PDE7B: variants seen among roughly 807,000 people sequenced by gnomAD.
PDE7B encodes 3',5'-cyclic-AMP phosphodiesterase 7B.
PDE7B carries 29 observed loss-of-function variants against 56.2 expected under a neutral mutation model. That is an observed-to-expected ratio of 0.52 (90% CI 0.38 to 0.70). The LOEUF (loss-of-function observed/expected upper bound fraction) is 0.70. PDE7B is among the 30% of genes least tolerant of loss of function. The probability of loss-of-function intolerance (pLI) is 0.00; values close to 1 mark genes in which losing one functional copy is unlikely to be tolerated. For missense variants in PDE7B, 490 were observed against 565.0 expected, an observed-to-expected ratio of 0.87 and a Z score of 1.35; for synonymous variants, 197 against 196.9, an observed-to-expected ratio of 1.00 and a Z score of 0.00.
intron 2 of PDE7B, among the ~76,000 whole-genome samples, chr6:135,997,633 T>C (rs1775590338): frequency 6.6e-6 from 1 of 152,040 alleles, no homozygotes; most frequent in African/African-American, 2.4e-5. Flanking sequence ...TCTACATGCC[T>C]ATGAATAGAA....
chr6:136,000,739 C>T (rs976465283), intron 2 of PDE7B, among the ~76,000 whole-genome samples: 9 of 152,190 alleles, frequency 5.9e-5, no homozygotes, highest in African/African-American at 1.9e-4. Flanking sequence ...GGAGGCCTGC[C>T]TGCCTCTGTA....
intron 2 of PDE7B, among the ~76,000 whole-genome samples, chr6:136,030,837 CCTAACTAAATTG>C (rs1776235748): frequency 6.6e-6 from 1 of 152,106 alleles, no homozygotes; most frequent in African/African-American, 2.4e-5. Context: ...GAGAAACTGG[CCTAACTAAATTG>C]CATTTGACAT....
intron 1 of PDE7B, among the ~76,000 whole-genome samples, chr6:135,854,889 A>G (rs2128183270): frequency 6.6e-6 from 1 of 152,368 alleles, no homozygotes. Context: ...TAGAAATTTC[A>G]GTACAGAGAG....
At chr6:135,865,961 A>C (rs775918657) in intron 1 of PDE7B, among the ~76,000 whole-genome samples, 27 of 152,034 alleles carry the variant, frequency 1.8e-4, no homozygotes, top group Non-Finnish European at 3.5e-4. Context: ...GTATTAAAAG[A>C]CTCCAATATG....
chr6:136,149,226 T>C (rs1021067799), intron 5 of PDE7B, 76 bp downstream of exon 5: 3 of 929,170 alleles, frequency 3.2e-6, no homozygotes, highest in Non-Finnish European at 5.3e-6. Context: ...CAAAATTTAT[T>C]TTTAAACACT....
chr6:136,010,222 T>G (rs1205967958), intron 2 of PDE7B, among the ~76,000 whole-genome samples: 1 of 152,198 alleles, frequency 6.6e-6, no homozygotes, highest in East Asian at 1.9e-4. Context: ...TGCATGGTTT[T>G]GAGCAATTTT....
chr6:136,079,726 CAAAAAAAAAAAA>C (rs35447604), intron 2 of PDE7B, among the ~76,000 whole-genome samples: 1 of 94,438 alleles, frequency 1.1e-5, no homozygotes, highest in African/African-American at 3.5e-5. Flanking sequence ...ATTAGGAAGA[CAAAAAAAAAAAA>C]AAAAAAAAGA....
intron 2 of PDE7B, among the ~76,000 whole-genome samples, chr6:135,963,106 G>A (rs996507454): frequency 2.0e-5 from 3 of 152,080 alleles, no homozygotes; most frequent in Admixed American, 6.6e-5. Flanking sequence ...TCTCAAAATC[G>A]AAACATGTAA....
At chr6:136,085,693 A>G (rs1777279885) in intron 2 of PDE7B, among the ~76,000 whole-genome samples, 1 of 152,160 alleles carries the variant, frequency 6.6e-6, no homozygotes, top group Admixed American at 6.5e-5. Context: ...GTGGAAAGAA[A>G]AGTCAATACT....
intron 3 of PDE7B, among the ~76,000 whole-genome samples, chr6:136,109,388 A>G (rs1777707895): frequency 6.6e-6 from 1 of 152,174 alleles, no homozygotes; most frequent in African/African-American, 2.4e-5. Context: ...CAGGGAAGCT[A>G]CTATTTTCAT....
chr6:136,148,499 A>AGGCAGGCAGGCAGGCAGGC (rs1562505873), intron 4 of PDE7B, among the ~76,000 whole-genome samples: 16 of 151,794 alleles, frequency 1.1e-4, no homozygotes, highest in South Asian at 2.1e-4. Context: ...GCAGGCAGGC[A>AGGCAGGCAGGCAGGCAGGC]ACTAATATAT....
At chr6:136,063,892 T>C (rs1776887851) in intron 2 of PDE7B, among the ~76,000 whole-genome samples, 1 of 152,226 alleles carries the variant, frequency 6.6e-6, no homozygotes, top group South Asian at 2.1e-4. Flanking sequence ...ATGCTATAGT[T>C]ATTTTTCAAT....
chr6:136,179,408 GAGA>G (rs1398669474), intron 10 of PDE7B, among the ~76,000 whole-genome samples: 2 of 152,258 alleles, frequency 1.3e-5, no homozygotes, highest in Middle Eastern at 3.4e-3. Context: ...TAGCACATTT[GAGA>G]AGGAGTTATC....
In PDE7B at chr6:136,192,426, C is replaced by T. The variant is rs1187007400; in HGVS notation, c.*586C>T. ...CTTTGGACTAAGGTCATTCAATGTA[C>T]CCAAACTTGAACAGGGGGTTCATTG... On this transcript the variant is annotated 3_prime_UTR_variant, in exon 13 of 13. Transcript: ENST00000308191. The T allele has an allele frequency of 6.6e-6, 1 of 152,094 alleles. No homozygotes were observed. Among genetic ancestry groups the T allele is most frequent in the African/African-American group, 2.4e-5 (1 of 41,400 alleles). 9.4% of individuals were successfully genotyped at this position (152,094 alleles called of 1,614,324 possible). A position where few individuals can be genotyped will look rare whatever the true frequency, so the allele number is the denominator to read the frequency against.
intron 3 of PDE7B, among the ~76,000 whole-genome samples, chr6:136,128,108 G>A (rs1356293781): frequency 6.6e-6 from 1 of 152,138 alleles, no homozygotes; most frequent in Non-Finnish European, 1.5e-5. Context: ...GAAAATGTCG[G>A]GCAGGTCTTG....
chr6:135,970,519 G>A (rs1002002409), intron 2 of PDE7B, among the ~76,000 whole-genome samples: 4 of 152,164 alleles, frequency 2.6e-5, no homozygotes, highest in African/African-American at 7.2e-5. Flanking sequence ...TGCTGATTTT[G>A]ATTCAGGAAG....
intron 1 of PDE7B, among the ~76,000 whole-genome samples, chr6:135,880,467 C>T (rs1283506288): frequency 2.6e-5 from 4 of 152,006 alleles, no homozygotes; most frequent in Non-Finnish European, 5.9e-5. Flanking sequence ...GGCAAGGGTA[C>T]GGTAAGTTGT....
At chr6:136,045,826 C>A (rs546356598) in intron 2 of PDE7B, among the ~76,000 whole-genome samples, 1 of 151,678 alleles carries the variant, frequency 6.6e-6, no homozygotes, top group Non-Finnish European at 1.5e-5. Flanking sequence ...TGGGAATGAA[C>A]GTAAATCTTC....
rs1402595249 is a variant in PDE7B, at chr6:136,109,410, TTC to T, written c.166+602_166+603del. Among the ~76,000 whole-genome samples the T allele has an allele frequency of 2.0e-5, 3 of 152,232 alleles. No individual in the cohort carries two copies. In the South Asian group the frequency reaches 6.2e-4, roughly 32 times the overall value. On this transcript the variant is annotated intron_variant, in intron 3 of 12. Transcript: ENST00000308191. ...GCTACTATTTTCATTTTCCAGCACA[TTC>T]TCTCTACCTTCAGCCAGAGCTAGAC... is the stretch of plus-strand genomic sequence containing the variant.
Sources: allele counts gnomAD v4.1 joint callset (sites outside exome capture counted in the v4.1 genomes callset), GRCh38; gene constraint gnomAD v4.1.1; transcripts MANE v1.5; gene names NCBI Gene and HGNC (gene_info 2026-07-23, HGNC 2026-07-21).